Variants in TMEM182 observed in about 807,000 individuals in gnomAD.
TMEM182 encodes transmembrane protein 182.
In TMEM182, 20 loss-of-function variants were observed where a neutral mutation model predicts 26.8. The observed-to-expected ratio is 0.75, with a 90% CI of 0.53 to 1.09. The LOEUF (loss-of-function observed/expected upper bound fraction) is 1.09. Among genes scored for constraint, TMEM182 ranks in the 50% least tolerant of loss-of-function variants. The probability of loss-of-function intolerance (pLI) is 0.00; values close to 1 mark genes in which losing one functional copy is unlikely to be tolerated. For missense variants in TMEM182, 277 were observed against 275.5 expected, an observed-to-expected ratio of 1.01 and a Z score of -0.04; for synonymous variants, 109 against 102.2, an observed-to-expected ratio of 1.07 and a Z score of -0.40.
chr2:102,814,344 T>G (rs1682662717), intron 4 of TMEM182, among the ~76,000 whole-genome samples: 1 of 152,160 alleles, frequency 6.6e-6, no homozygotes, highest in Non-Finnish European at 1.5e-5. Context: ...TATTTCAATG[T>G]TTATTCTATG....
At chr2:102,776,476 G>T (rs1680921643) in intron 3 of TMEM182, among the ~76,000 whole-genome samples, 1 of 152,068 alleles carries the variant, frequency 6.6e-6, no homozygotes. Context: ...GTTCCTCCAT[G>T]TCTTTCCATG....
At chr2:102,774,913 T>TA (rs1168938310) in intron 3 of TMEM182, among the ~76,000 whole-genome samples, 2 of 152,166 alleles carry the variant, frequency 1.3e-5, no homozygotes, top group Non-Finnish European at 2.9e-5. Context: ...TCTTCTTTTT[T>TA]AAAAAAATTG....
At position 102,763,879 on chromosome 2, in the gene TMEM182, G is replaced by A. The variant is rs979963651; in HGVS notation, c.233-450G>A. Among the ~76,000 whole-genome samples the A allele has an allele frequency of 2.6e-5, 4 of 152,154 alleles. No individual in the cohort carries two copies. In the South Asian group the frequency reaches 8.3e-4, roughly 32 times the overall value. ...TGAATTATTGTATAACTTATCATTT[G>A]CATTCTTCCCTAAAATAAAATGGAT... On this transcript the variant is annotated intron_variant, in intron 2 of 4. Coordinates refer to ENST00000412401, the MANE Select transcript of TMEM182 (RefSeq NM_144632.5).
At chr2:102,834,421 T>C (rs1226118635) in intron 3 of TMEM182, 2 of 985,244 alleles carry the variant, frequency 2.0e-6, no homozygotes, top group East Asian at 1.1e-4. Context: ...ATCTAGAAGA[T>C]GGGGGGATGG....
intron 3 of TMEM182, among the ~76,000 whole-genome samples, chr2:102,786,234 T>G (rs1185028608): frequency 7.3e-6 from 1 of 136,674 alleles, no homozygotes; most frequent in African/African-American, 2.8e-5. Flanking sequence ...TTTTTTTTTG[T>G]GACAGAGTCT....
At chr2:102,775,108 G>GTTTA in intron 3 of TMEM182, 1 of 152,112 alleles carries the variant, frequency 6.6e-6, no homozygotes, top group East Asian at 1.9e-4. Context: ...CATGGACACG[G>GTTTA]TTTATCCTTC....
At chr2:102,746,878 T>A (rs1679715891) in intron 1 of TMEM182, among the ~76,000 whole-genome samples, 1 of 152,198 alleles carries the variant, frequency 6.6e-6, no homozygotes, top group Non-Finnish European at 1.5e-5. Context: ...TGAGCCACCA[T>A]GCCTGGTGTT....
chr2:102,818,072 G>A (rs188349378), downstream of TMEM182, among the ~76,000 whole-genome samples: 308 of 152,206 alleles, frequency 2.0e-3, no homozygotes, highest in African/African-American at 7.0e-3. Flanking sequence ...TCTGAAGGTC[G>A]GTGGAATTGT....
intron 1 of TMEM182, among the ~76,000 whole-genome samples, chr2:102,756,171 T>C (rs560958956): frequency 2.3e-4 from 35 of 152,322 alleles, no homozygotes; most frequent in African/African-American, 7.7e-4. Context: ...GAAATTAGTC[T>C]GGTTTGGTGA....
At chr2:102,802,176 A>G (rs1558781275) in intron 4 of TMEM182, among the ~76,000 whole-genome samples, 1 of 152,136 alleles carries the variant, frequency 6.6e-6, no homozygotes, top group Non-Finnish European at 1.5e-5. Context: ...GCAGAGCTAA[A>G]TTTTCTATGA....
At chr2:102,802,032 G>A (rs1324337783) in intron 4 of TMEM182, among the ~76,000 whole-genome samples, 1 of 152,144 alleles carries the variant, frequency 6.6e-6, no homozygotes, top group Non-Finnish European at 1.5e-5. Flanking sequence ...GCCAACCCTG[G>A]GCCAGCATAT....
At chr2:102,791,915 A>G (rs1681658096) in intron 3 of TMEM182, among the ~76,000 whole-genome samples, 1 of 152,124 alleles carries the variant, frequency 6.6e-6, no homozygotes, top group Admixed American at 6.6e-5. Context: ...TCTGAGATAC[A>G]GTCAAGATCT....
At chr2:102,800,658 C>CT (rs113982884) in intron 4 of TMEM182, among the ~76,000 whole-genome samples, 2,188 of 147,352 alleles carry the variant, frequency 0.015, 49 homozygotes, top group African/African-American at 0.051. Flanking sequence ...TTTTTCCTTG[C>CT]TTTTTTTTTT....
chr2:102,802,403 C>G (rs1181457845), intron 4 of TMEM182, among the ~76,000 whole-genome samples: 1 of 152,198 alleles, frequency 6.6e-6, no homozygotes, highest in East Asian at 1.9e-4. Context: ...GAGACTTCCT[C>G]AGGCAGGCCA....
intron 3 of TMEM182, among the ~76,000 whole-genome samples, chr2:102,831,226 G>T (rs539272582): frequency 2.6e-5 from 4 of 152,316 alleles, no homozygotes; most frequent in African/African-American, 9.6e-5. Context: ...ACACCCAGCA[G>T]TGGGATTGCT....
chr2:102,798,826 C>T (rs1027714077), intron 4 of TMEM182, among the ~76,000 whole-genome samples: 7 of 151,194 alleles, frequency 4.6e-5, no homozygotes, highest in African/African-American at 1.5e-4. Context: ...GATGACAGAG[C>T]GAGACTTTGT....
chr2:102,775,732 T>C (rs530352062), intron 3 of TMEM182, among the ~76,000 whole-genome samples: 2,284 of 151,384 alleles, frequency 0.015, 53 homozygotes, highest in African/African-American at 0.053. Flanking sequence ...ACAAGCATTC[T>C]TATACACCAA....
intron 4 of TMEM182, among the ~76,000 whole-genome samples, chr2:102,811,037 T>G (rs1209167506): frequency 7.2e-6 from 1 of 139,016 alleles, no homozygotes; most frequent in East Asian, 2.1e-4. Flanking sequence ...TTTCTAACTA[T>G]TCCATTAATG....
intron 3 of TMEM182, among the ~76,000 whole-genome samples, chr2:102,778,182 T>C (rs931304562): frequency 7.2e-5 from 11 of 152,120 alleles, no homozygotes; most frequent in African/African-American, 2.6e-4. Context: ...ACTTATTTCA[T>C]AGCTCTGTTT....
Sources: allele counts gnomAD v4.1 joint callset (sites outside exome capture counted in the v4.1 genomes callset), GRCh38; gene constraint gnomAD v4.1.1; transcripts MANE v1.5; gene names NCBI Gene and HGNC (gene_info 2026-07-23, HGNC 2026-07-21).